LRP1B: variants seen among roughly 807,000 people sequenced by gnomAD.
The protein encoded by LRP1B is LDL receptor related protein 1B.
LRP1B carries 217 observed loss-of-function variants against 556.6 expected under a neutral mutation model. The observed-to-expected ratio is 0.39, with a 90% CI of 0.35 to 0.44. The LOEUF (loss-of-function observed/expected upper bound fraction) is 0.44, where lower values mean the gene tolerates loss of function less well. Ranked by LOEUF, LRP1B falls within the 20% of genes least tolerant of loss-of-function variation. The pLI, the probability that LRP1B is intolerant of heterozygous loss-of-function variation, is 1.00. For missense variants in LRP1B, 5,053 were observed against 5,620.8 expected (o/e 0.90, Z 3.23); for synonymous variants, 2,047 against 1,865.8 (o/e 1.10, Z -2.50).
intron 1 of LRP1B, among the ~76,000 whole-genome samples, chr2:142,130,351 G>A (rs138554813): frequency 2.9e-4 from 44 of 152,296 alleles, no homozygotes; most frequent in African/African-American, 9.9e-4. Flanking sequence ...CATCTGCAGC[G>A]CTTAGAATTC....
chr2:140,947,711 T>C (rs1202974494), intron 20 of LRP1B, among the ~76,000 whole-genome samples: 1 of 152,194 alleles, frequency 6.6e-6, no homozygotes, highest in Non-Finnish European at 1.5e-5. Context: ...ACCAAAGTCA[T>C]CCTGGAATGT....
At chr2:140,645,202 T>C (rs1462346204) in intron 41 of LRP1B, among the ~76,000 whole-genome samples, 1 of 152,116 alleles carries the variant, frequency 6.6e-6, no homozygotes, top group Non-Finnish European at 1.5e-5. Flanking sequence ...GCCTCTGACA[T>C]AAAATGTTTT....
intron 63 of LRP1B, among the ~76,000 whole-genome samples, chr2:140,448,530 C>T (rs1455551708): frequency 2.0e-5 from 3 of 152,014 alleles, no homozygotes; most frequent in Non-Finnish European, 2.9e-5. Context: ...CACGTGATCT[C>T]ACTTATATGT....
At chr2:141,696,097 T>G (rs1365387433) in intron 2 of LRP1B, among the ~76,000 whole-genome samples, 2 of 152,000 alleles carry the variant, frequency 1.3e-5, no homozygotes, top group Admixed American at 1.3e-4. Context: ...ACTCATGGTT[T>G]ACTTGCAAGA....
At chr2:140,268,826 C>G (rs554435035) in intron 86 of LRP1B, among the ~76,000 whole-genome samples, 1 of 151,518 alleles carries the variant, frequency 6.6e-6, no homozygotes, top group South Asian at 2.1e-4. Context: ...GATCTTTCAT[C>G]TATAAAGAGG....
At chr2:140,985,922 C>T (rs186249384) in intron 17 of LRP1B, among the ~76,000 whole-genome samples, 1 of 151,916 alleles carries the variant, frequency 6.6e-6, no homozygotes, top group East Asian at 1.9e-4. Flanking sequence ...AAATTTCCTA[C>T]ATAATCTTTC....
chr2:141,448,591 G>T (rs1364694021), intron 3 of LRP1B, among the ~76,000 whole-genome samples: 1 of 152,176 alleles, frequency 6.6e-6, no homozygotes. Context: ...TAGTATCTGG[G>T]CCGGATTGCA....
intron 66 of LRP1B, among the ~76,000 whole-genome samples, chr2:140,427,326 C>T (rs1029649220): frequency 5.3e-5 from 8 of 152,140 alleles, no homozygotes; most frequent in Non-Finnish European, 1.5e-5. Context: ...CAGCCCAGGG[C>T]TGCTCCCCAC....
At chr2:141,778,836 A>G (rs1219730910) in intron 2 of LRP1B, among the ~76,000 whole-genome samples, 1 of 152,190 alleles carries the variant, frequency 6.6e-6, no homozygotes, top group African/African-American at 2.4e-5. Flanking sequence ...CTATATTTAT[A>G]TAGCAACCAC....
At chr2:140,635,610 G>A (rs1381991329) in intron 41 of LRP1B, among the ~76,000 whole-genome samples, 1 of 151,880 alleles carries the variant, frequency 6.6e-6, no homozygotes, top group Non-Finnish European at 1.5e-5. Context: ...TTCCACTGAC[G>A]GGAATGGTAC....
chr2:140,802,331 T>C (rs779012401), intron 32 of LRP1B, among the ~76,000 whole-genome samples: 1 of 152,206 alleles, frequency 6.6e-6, no homozygotes, highest in Non-Finnish European at 1.5e-5. Context: ...ATTTCCTATG[T>C]CATCATTGAA....
At chr2:141,530,560 A>G (rs182060785) in intron 2 of LRP1B, among the ~76,000 whole-genome samples, 1 of 151,566 alleles carries the variant, frequency 6.6e-6, no homozygotes, top group East Asian at 1.9e-4. Context: ...CAATGTACCT[A>G]TTCTCATGAG....
chr2:140,970,033 G>C (rs1405786051), intron 18 of LRP1B, among the ~76,000 whole-genome samples: 1 of 152,032 alleles, frequency 6.6e-6, no homozygotes, highest in African/African-American at 2.4e-5. Flanking sequence ...CCATCTTTGG[G>C]GCATTCTCTG....
At chr2:142,071,778 T>G (rs1236242419) in intron 1 of LRP1B, among the ~76,000 whole-genome samples, 1 of 151,924 alleles carries the variant, frequency 6.6e-6, no homozygotes, top group Non-Finnish European at 1.5e-5. Context: ...GAATAACCAC[T>G]TCCACCAGGG....
chr2:141,665,314 A>G (rs1051499742), intron 2 of LRP1B, among the ~76,000 whole-genome samples: 4 of 152,234 alleles, frequency 2.6e-5, no homozygotes, highest in Non-Finnish European at 5.9e-5. Context: ...CATGCAGCCA[A>G]TAAACATGAA....
intron 43 of LRP1B, among the ~76,000 whole-genome samples, chr2:140,550,622 C>CAT (rs1680513386): frequency 6.6e-6 from 1 of 152,128 alleles, no homozygotes; most frequent in Non-Finnish European, 1.5e-5. Flanking sequence ...CACACACACA[C>CAT]ATGCAAACAA....
At chr2:141,064,484 T>C (rs988931588) in intron 7 of LRP1B, among the ~76,000 whole-genome samples, 2 of 151,944 alleles carry the variant, frequency 1.3e-5, no homozygotes, top group African/African-American at 4.8e-5. Context: ...GATAACTCTC[T>C]AAGTTTCTGC....
At chr2:141,424,454 A>AGCACTTTTAACCT (rs1175407513) in intron 3 of LRP1B, among the ~76,000 whole-genome samples, 2 of 152,142 alleles carry the variant, frequency 1.3e-5, no homozygotes, top group African/African-American at 2.4e-5. Flanking sequence ...TAACTTTGGA[A>AGCACTTTTAACCT]GCACTTTTAA....
chr2:141,282,100 A>C (rs1685530686), intron 3 of LRP1B, among the ~76,000 whole-genome samples: 1 of 152,034 alleles, frequency 6.6e-6, no homozygotes, highest in Non-Finnish European at 1.5e-5. Flanking sequence ...GATGACCTTG[A>C]AAAAGTAACT....
Sources: gnomAD v4.1 joint callset for allele counts (sites outside exome capture counted in the v4.1 genomes callset) on GRCh38, gnomAD v4.1.1 for gene constraint, MANE v1.5 for transcripts, NCBI Gene and HGNC (gene_info 2026-07-23, HGNC 2026-07-21) for gene names.